The following RUFY2 variants were observed in gnomAD, a reference collection of about 807,000 sequenced individuals.
The protein encoded by RUFY2 is RUN and FYVE domain-containing protein 2.
In RUFY2, 49 loss-of-function variants were observed where a neutral mutation model predicts 94.4. The observed-to-expected ratio is 0.52, with a 90% CI of 0.41 to 0.66. The LOEUF (loss-of-function observed/expected upper bound fraction) is 0.66. Ranked by LOEUF, RUFY2 falls within the 30% of genes least tolerant of loss-of-function variation. The probability of loss-of-function intolerance (pLI) is 0.00; values close to 1 mark genes in which losing one functional copy is unlikely to be tolerated. For missense variants in RUFY2, 541 were observed against 692.8 expected (o/e 0.78, Z 2.46); for synonymous variants, 255 against 235.7 (o/e 1.08, Z -0.75).
intron 15 of RUFY2, among the ~76,000 whole-genome samples, chr10:68,356,153 G>A (rs1035151516): frequency 1.3e-5 from 2 of 152,028 alleles, no homozygotes; most frequent in African/African-American, 4.8e-5. Context: ...ACCCCAAAGG[G>A]CACATGCTAA....
chr10:68,399,254 C>A (rs1164713436), intron 3 of RUFY2, among the ~76,000 whole-genome samples: 2 of 152,186 alleles, frequency 1.3e-5, no homozygotes, highest in East Asian at 3.9e-4. Context: ...CCATGTTGCC[C>A]AGGCTGGTCT....
chr10:68,378,601 C>T (rs763344927), intron 12 of RUFY2: 25 of 1,611,510 alleles, frequency 1.6e-5, no homozygotes, highest in Non-Finnish European at 2.0e-5. Flanking sequence ...ACTGGTCCTG[C>T]GTGTCACTGC....
chr10:68,405,313 C>CAAAA (rs386371709), intron 1 of RUFY2: 246 of 171,038 alleles, frequency 1.4e-3, no homozygotes, highest in Middle Eastern at 2.9e-3. Flanking sequence ...CTCCGTCTCA[C>CAAAA]AAAAAAAAAA....
chr10:68,379,637 G>A, intron 11 of RUFY2, 116 bp from the exon 12 acceptor site: 1 of 640,356 alleles, frequency 1.6e-6, no homozygotes, highest in South Asian at 2.2e-5. Context: ...GGTTGGATTT[G>A]AACTTCTGGG....
chr10:68,373,457 G>A (rs2048409799), intron 13 of RUFY2, among the ~76,000 whole-genome samples: 1 of 152,326 alleles, frequency 6.6e-6, no homozygotes, highest in Admixed American at 6.5e-5. Flanking sequence ...GACAGAGTTG[G>A]AAGAATTGAT....
chr10:68,406,785 C>T (rs758593797), intron 1 of RUFY2: 17 of 1,612,312 alleles, frequency 1.1e-5, no homozygotes, highest in Non-Finnish European at 1.4e-5. Flanking sequence ...TTCCCCGTCT[C>T]CCGCCCTCGG....
Position 68,345,399 on chromosome 10 carries a change from G to T in RUFY2, c.*369C>A. On this transcript the variant is annotated 3_prime_UTR_variant, in exon 18 of 18. Coordinates refer to ENST00000602465, the MANE Select transcript of RUFY2 (RefSeq NM_001330103.2). ...GCGTTTCCAGTTTCAGAACTGTGAA[G>T]CTTTAAAGTGCATTAAGAGAACTGC... 1 of 395,198 alleles carries T rather than the reference G, an allele frequency of 2.5e-6. No individual in the cohort carries two copies. Among genetic ancestry groups the T allele is most frequent in the Non-Finnish European group, 4.5e-6 (1 of 224,286 alleles). 24.5% of individuals were successfully genotyped at this position (395,198 alleles called of 1,614,324 possible). A position where few individuals can be genotyped will look rare whatever the true frequency, so the allele number is the denominator to read the frequency against.
intron 4 of RUFY2, among the ~76,000 whole-genome samples, chr10:68,394,872 G>A (rs540840562): frequency 3.3e-5 from 5 of 151,806 alleles, no homozygotes; most frequent in African/African-American, 7.2e-5. Flanking sequence ...CTCATGGTCC[G>A]CGGGCCTCAG....
In RUFY2 at chr10:68,343,761, A is replaced by T. The variant is rs1393586377; in HGVS notation, c.*2007T>A. Reference sequence around the variant, plus strand: ...AAAATCCAAAGTTAGTATAGTTTTTAAATAAGCCAAAACTACATGGAGCAA... The same window carrying T: ...AAAATCCAAAGTTAGTATAGTTTTTTAATAAGCCAAAACTACATGGAGCAA... On this transcript the variant is annotated 3_prime_UTR_variant, in exon 18 of 18. Coordinates refer to ENST00000602465, the MANE Select transcript of RUFY2 (RefSeq NM_001330103.2). The T allele has an allele frequency of 6.6e-6, 1 of 150,994 alleles. No individual in the cohort carries two copies. Among genetic ancestry groups the T allele is most frequent in the East Asian group, 1.9e-4 (1 of 5,152 alleles). 9.4% of individuals were successfully genotyped at this position (150,994 alleles called of 1,614,324 possible).
intron 16 of RUFY2, among the ~76,000 whole-genome samples, chr10:68,352,319 G>C (rs1366169587): frequency 6.6e-6 from 1 of 152,110 alleles, no homozygotes; most frequent in Non-Finnish European, 1.5e-5. Flanking sequence ...GGAAGCTACT[G>C]AAAGATGTGT....
At chr10:68,399,542 A>C (rs182264648) in intron 3 of RUFY2, among the ~76,000 whole-genome samples, 16 of 152,362 alleles carry the variant, frequency 1.1e-4, no homozygotes, top group African/African-American at 3.8e-4. Flanking sequence ...AACAGTAGCC[A>C]CTTACTTTTA....
intron 14 of RUFY2, 30 bp downstream of exon 14, chr10:68,363,954 C>T: frequency 6.7e-7 from 1 of 1,497,444 alleles, no homozygotes; most frequent in Admixed American, 1.8e-5. Context: ...TTTGTCAAGA[C>T]AGAATTTTTA....
intron 7 of RUFY2, among the ~76,000 whole-genome samples, chr10:68,392,796 T>G (rs1001236254): frequency 6.7e-6 from 1 of 150,026 alleles, no homozygotes; most frequent in Non-Finnish European, 1.5e-5. Context: ...GGTGTGGTGG[T>G]GCGCGCCTAT....
At position 68,396,840 on chromosome 10, in the gene RUFY2, A is replaced by G. The variant is rs772144409; in HGVS notation, c.338T>C (p.Leu113Pro). 6.2e-7 allele frequency: 1 copy of G among 1,613,544 alleles called. No homozygotes were observed. Among genetic ancestry groups the G allele is most frequent in the Non-Finnish European group, 8.5e-7 (1 of 1,179,732 alleles). The change falls in exon 4 of 18, where the codon CTC (leucine) becomes CCC (proline). Residue 113 changes from leucine (L) to proline (P), a missense_variant. By Grantham distance (98) the Leu-to-Pro change is moderately conservative. Coordinates refer to ENST00000602465, the MANE Select transcript of RUFY2 (RefSeq NM_001330103.2). ...GTAATCGGCCATTTTTTTTTGCATG[A>G]GGGCTAATCGAAGCCACGCTCTTGC... ...GRARAWLRLA[L>P]MQKKMADYLR...
chr10:68,405,164 T>G (rs1266375008), intron 1 of RUFY2, among the ~76,000 whole-genome samples: 2 of 151,802 alleles, frequency 1.3e-5, no homozygotes, highest in Non-Finnish European at 2.9e-5. Context: ...AATACAAAAA[T>G]TAGCTGGGCA....
intron 13 of RUFY2, among the ~76,000 whole-genome samples, chr10:68,372,182 G>A (rs184218601): frequency 3.3e-5 from 5 of 152,106 alleles, no homozygotes; most frequent in Admixed American, 3.3e-4. Context: ...ATCATGGCAG[G>A]AGAACTGCTT....
intron 15 of RUFY2, among the ~76,000 whole-genome samples, chr10:68,358,858 C>A (rs1222309137): frequency 1.3e-5 from 2 of 151,884 alleles, no homozygotes; most frequent in Non-Finnish European, 2.9e-5. Flanking sequence ...TTGCAGTGAG[C>A]CAAGATCACG....
At chr10:68,406,939 C>T (rs1243749734) in intron 1 of RUFY2, 1 of 1,553,220 alleles carries the variant, frequency 6.4e-7, no homozygotes, top group Non-Finnish European at 8.7e-7. Context: ...CGCCGTGGCA[C>T]CTCGAGCCCT....
chr10:68,373,541 G>A (rs886235279), intron 13 of RUFY2, among the ~76,000 whole-genome samples: 1 of 151,934 alleles, frequency 6.6e-6, no homozygotes, highest in Non-Finnish European at 1.5e-5. Flanking sequence ...CTGAGGCAGA[G>A]GAATCACTTG....
Sources: allele counts gnomAD v4.1 joint callset (sites outside exome capture counted in the v4.1 genomes callset), GRCh38; gene constraint gnomAD v4.1.1; transcripts MANE v1.5; gene names NCBI Gene and HGNC (gene_info 2026-07-23, HGNC 2026-07-21).